DLGAP2: variants seen among roughly 807,000 people sequenced by gnomAD.
DLGAP2 encodes DLG associated protein 2.
DLGAP2 carries 26 observed loss-of-function variants against 100.3 expected under a neutral mutation model. The observed-to-expected ratio is 0.26, with a 90% confidence interval of 0.19 to 0.36. The LOEUF (loss-of-function observed/expected upper bound fraction) is 0.36. Among genes scored for constraint, DLGAP2 ranks in the 10% least tolerant of loss-of-function variants. DLGAP2 has a pLI of 1.00. For missense variants in DLGAP2, 1,858 were observed against 1,453.2 expected (o/e 1.28, Z -4.53); for synonymous variants, 886 against 630.1 (o/e 1.41, Z -6.08).
chr8:1,011,841 G>A (rs930311193), intron 2 of DLGAP2, among the ~76,000 whole-genome samples: 5 of 152,216 alleles, frequency 3.3e-5, no homozygotes, highest in African/African-American at 1.2e-4. Context: ...GGGCGAGGGT[G>A]TCAGTCTGAG....
chr8:1,495,014 C>A (rs146477317), intron 3 of DLGAP2, among the ~76,000 whole-genome samples: 220 of 152,306 alleles, frequency 1.4e-3, no homozygotes, highest in African/African-American at 5.0e-3. Flanking sequence ...CCTTTAAATC[C>A]TCATACGTGC....
At chr8:1,661,233 C>T (rs1798402188) in intron 8 of DLGAP2, among the ~76,000 whole-genome samples, 1 of 152,206 alleles carries the variant, frequency 6.6e-6, no homozygotes. Flanking sequence ...CCAGCTTCTC[C>T]TCATCCCGCT....
chr8:1,200,872 G>A (rs1376227296), intron 2 of DLGAP2, among the ~76,000 whole-genome samples: 1 of 152,212 alleles, frequency 6.6e-6, no homozygotes, highest in Non-Finnish European at 1.5e-5. Context: ...CGAACGATGC[G>A]TCCGCTGCTG....
intron 6 of DLGAP2, among the ~76,000 whole-genome samples, chr8:1,598,191 G>A (rs1368259723): frequency 6.6e-6 from 1 of 152,212 alleles, no homozygotes; most frequent in Non-Finnish European, 1.5e-5. Context: ...TGTTGAACCA[G>A]CCTTGCATCC....
In DLGAP2 at chr8:1,562,034, T is replaced by G. The variant is rs1281598208; in HGVS notation, c.1231-3649T>G. Among the ~76,000 whole-genome samples the G allele has an allele frequency of 8.4e-4, 17 of 20,272 alleles. 5 individuals are homozygous for G. The East Asian group carries it at 0.047, about 57-fold the overall frequency. The allele number at this position is 20,272 out of a possible 152,430, so 13.3% of individuals were successfully genotyped here. On this transcript the variant is annotated intron_variant, in intron 5 of 14. Coordinates refer to ENST00000637795, the MANE Select transcript of DLGAP2 (RefSeq NM_001346810.2). ...TCGTTACTGGGGGACTGTGTGGTGT[T>G]GGGTGTCCGCGCCTCGTTACTGGGG...
At chr8:1,193,426 A>G (rs1313414469) in intron 2 of DLGAP2, among the ~76,000 whole-genome samples, 2 of 152,182 alleles carry the variant, frequency 1.3e-5, no homozygotes, top group Non-Finnish European at 2.9e-5. Context: ...ATGGCCAGTG[A>G]TGATGAGCAT....
intron 2 of DLGAP2, among the ~76,000 whole-genome samples, chr8:1,083,161 A>G (rs999952285): frequency 5.9e-5 from 9 of 152,202 alleles, no homozygotes; most frequent in African/African-American, 9.7e-5. Flanking sequence ...GGAGAGGAAT[A>G]TCGTAAATTT....
Position 1,388,709 on chromosome 8 carries a change from G to T in DLGAP2, c.107-112657G>T, listed in dbSNP as rs1453262199. Reference sequence around the variant, plus strand: ...AGGTGTCAGGGCTGTAAGAGGCAGAGGCCGTGGATGAGGAGGCGCTGGTTC... The same window carrying T: ...AGGTGTCAGGGCTGTAAGAGGCAGATGCCGTGGATGAGGAGGCGCTGGTTC... On this transcript the variant is annotated intron_variant, in intron 3 of 14. Coordinates refer to ENST00000637795, the MANE Select transcript of DLGAP2 (RefSeq NM_001346810.2). Among the ~76,000 whole-genome samples the T allele has an allele frequency of 1.0e-4, 9 of 90,180 alleles. 1 individual carries two copies. The highest frequency in any genetic ancestry group is 4.7e-4 in the East Asian group (1 of 2,144). 59.2% of individuals were successfully genotyped at this position (90,180 alleles called of 152,430 possible).
intron 1 of DLGAP2, among the ~76,000 whole-genome samples, chr8:745,570 A>G (rs1198323038): frequency 6.6e-6 from 1 of 152,186 alleles, no homozygotes; most frequent in African/African-American, 2.4e-5. Context: ...TATCCCAGCA[A>G]TTTCACTTCT....
chr8:1,674,762 C>T (rs947129995), intron 10 of DLGAP2, among the ~76,000 whole-genome samples: 1 of 152,140 alleles, frequency 6.6e-6, no homozygotes, highest in African/African-American at 2.4e-5. Context: ...TTTATAATGG[C>T]AGAAAACTAG....
intron 2 of DLGAP2, among the ~76,000 whole-genome samples, chr8:1,187,347 C>T (rs912703479): frequency 2.1e-5 from 3 of 145,740 alleles, no homozygotes; most frequent in East Asian, 2.1e-4. Flanking sequence ...ACCTCTGTGA[C>T]GTTTCCCTCA....
chr8:1,100,960 A>G (rs1256542523), intron 2 of DLGAP2, among the ~76,000 whole-genome samples: 4 of 152,272 alleles, frequency 2.6e-5, no homozygotes, highest in South Asian at 2.1e-4. Flanking sequence ...TACCAGTTAC[A>G]TTTCTTTTAC....
At chr8:927,607 A>G (rs1182181545) in intron 2 of DLGAP2, among the ~76,000 whole-genome samples, 1 of 152,142 alleles carries the variant, frequency 6.6e-6, no homozygotes, top group Admixed American at 6.5e-5. Flanking sequence ...TCTGTTCTTA[A>G]CAGGAGAATC....
At chr8:1,661,979 C>T (rs1218423670) in intron 8 of DLGAP2, among the ~76,000 whole-genome samples, 3 of 152,178 alleles carry the variant, frequency 2.0e-5, no homozygotes, top group African/African-American at 4.8e-5. Context: ...AACACGGTCA[C>T]GCTCCTTACA....
At chr8:1,288,355 G>T (rs1429812380) in intron 3 of DLGAP2, among the ~76,000 whole-genome samples, 1 of 143,350 alleles carries the variant, frequency 7.0e-6, no homozygotes, top group Non-Finnish European at 1.5e-5. Flanking sequence ...GTATGTAGTT[G>T]TTAGGAGGGG....
chr8:1,598,744 T>C (rs1796534779), intron 6 of DLGAP2, among the ~76,000 whole-genome samples: 1 of 152,170 alleles, frequency 6.6e-6, no homozygotes, highest in African/African-American at 2.4e-5. Context: ...GTCTATTTGA[T>C]TGTTCTCTGT....
intron 8 of DLGAP2, among the ~76,000 whole-genome samples, chr8:1,644,915 C>T (rs1798005094): frequency 6.6e-6 from 1 of 152,114 alleles, no homozygotes; most frequent in African/African-American, 2.4e-5. Flanking sequence ...TACTTTTGCT[C>T]TCTTAGGGAA....
At chr8:1,437,687 T>A (rs1014867102) in intron 3 of DLGAP2, among the ~76,000 whole-genome samples, 8 of 151,672 alleles carry the variant, frequency 5.3e-5, no homozygotes, top group Non-Finnish European at 1.2e-4. Flanking sequence ...AAAATAAATA[T>A]CACCGGCCGG....
intron 6 of DLGAP2, among the ~76,000 whole-genome samples, chr8:1,575,536 G>A (rs1272992753): frequency 1.3e-5 from 2 of 150,056 alleles, no homozygotes; most frequent in Non-Finnish European, 3.0e-5. Context: ...TGCTACATAT[G>A]TATACATGTG....
Sources: allele counts gnomAD v4.1 joint callset (sites outside exome capture counted in the v4.1 genomes callset), GRCh38; gene constraint gnomAD v4.1.1; transcripts MANE v1.5; gene names NCBI Gene and HGNC (gene_info 2026-07-23, HGNC 2026-07-21).